The following ADAMTSL3 variants were observed in gnomAD, a reference collection of about 807,000 sequenced individuals.
ADAMTSL3 encodes ADAMTS like 3.
A neutral mutation model predicts 201.7 loss-of-function variants in ADAMTSL3; 128 were observed. The observed-to-expected ratio is 0.63, with a 90% CI of 0.55 to 0.73. The LOEUF is 0.73. ADAMTSL3 is among the 30% of genes least tolerant of loss of function. The pLI, the probability that ADAMTSL3 is intolerant of heterozygous loss-of-function variation, is 0.00. For missense variants in ADAMTSL3, 1,990 were observed against 2,119.6 expected, an observed-to-expected ratio of 0.94 and a Z score of 1.20; for synonymous variants, 738 against 748.4, an observed-to-expected ratio of 0.99 and a Z score of 0.23.
intron 3 of ADAMTSL3, among the ~76,000 whole-genome samples, chr15:83,718,852 GAA>G (rs1468789417): frequency 6.6e-6 from 1 of 152,032 alleles, no homozygotes; most frequent in African/African-American, 2.4e-5. Context: ...TCATTACATT[GAA>G]AACAAATAGA....
chr15:84,020,325 C>G (rs940821766), intron 25 of ADAMTSL3, among the ~76,000 whole-genome samples: 3 of 152,110 alleles, frequency 2.0e-5, no homozygotes, highest in African/African-American at 7.2e-5. Context: ...TCAGTTTCCA[C>G]CTCTGCAAAT....
intron 6 of ADAMTSL3, among the ~76,000 whole-genome samples, chr15:83,827,784 C>G (rs1233975981): frequency 2.6e-5 from 4 of 152,164 alleles, no homozygotes; most frequent in African/African-American, 9.6e-5. Flanking sequence ...AATCCTTTCC[C>G]CATTGCTTGT....
intron 23 of ADAMTSL3, among the ~76,000 whole-genome samples, chr15:84,011,147 T>C (rs892671601): frequency 1.3e-5 from 2 of 152,222 alleles, no homozygotes; most frequent in Non-Finnish European, 1.5e-5. Flanking sequence ...AATAGTTGTA[T>C]TGCATTTCAA....
intron 2 of ADAMTSL3, among the ~76,000 whole-genome samples, chr15:83,689,536 T>C (rs1186257166): frequency 1.3e-5 from 2 of 152,270 alleles, no homozygotes; most frequent in Non-Finnish European, 2.9e-5. Flanking sequence ...TTAAATTTCA[T>C]CTCTGTTGAC....
intron 3 of ADAMTSL3, among the ~76,000 whole-genome samples, chr15:83,733,129 T>C (rs932123522): frequency 3.9e-5 from 6 of 152,056 alleles, no homozygotes; most frequent in African/African-American, 1.4e-4. Flanking sequence ...AAATGGAAAA[T>C]GTAATGTAAA....
rs1389614725 is a variant in ADAMTSL3, at chr15:83,890,045, A to G, written c.1073-64A>G. The G allele has an allele frequency of 3.3e-6, 5 of 1,534,536 alleles. No individual in the cohort carries two copies. In the African/African-American group the frequency reaches 6.9e-5, roughly 21 times the overall value. ...GAAAAAAAAAAGTGTGTGGCAAGTG[A>G]TAACTCTGCCAAGTAAAAATGAAAC... is the stretch of plus-strand genomic sequence containing the variant. On this transcript the variant is annotated intron_variant, in intron 10 of 29. Coordinates refer to ENST00000286744, the MANE Select transcript of ADAMTSL3 (RefSeq NM_207517.3).
At position 83,939,642 on chromosome 15, in the gene ADAMTSL3, G is replaced by C. The variant is rs572704361; in HGVS notation, c.2118-2954G>C. On this transcript the variant is annotated intron_variant, in intron 17 of 29. Transcript: ENST00000286744. ...AGGACCAACTTTTTTTTTTTTTTTAGACAGAGTCTTGCTCTGTCACCCAGG... is the reference window on the plus strand; with the variant it reads ...AGGACCAACTTTTTTTTTTTTTTTACACAGAGTCTTGCTCTGTCACCCAGG... Among the ~76,000 whole-genome samples the C allele has an allele frequency of 3.4e-3, 452 of 134,720 alleles. 1 individual carries two copies. Among genetic ancestry groups the C allele is most frequent in the African/African-American group, 0.012 (421 of 36,108 alleles). 88.4% of individuals were successfully genotyped at this position (134,720 alleles called of 152,430 possible).
Position 84,014,561 on chromosome 15 carries a change from A to T in ADAMTSL3, c.3993A>T (p.Ile1331=). 1 of 1,614,006 alleles carries T rather than the reference A, an allele frequency of 6.2e-7. No individual in the cohort carries two copies. Among genetic ancestry groups the T allele is most frequent in the Non-Finnish European group, 8.5e-7 (1 of 1,179,932 alleles). The change falls in exon 24 of 30, where the codon ATA becomes ATT. Residue 1331 remains isoleucine (I), a synonymous_variant. Transcript: ENST00000286744. The part of the protein sequence containing the change: ...CPVKGVPQPN[I]TWLKRGGSLS... ...CCAAAGGTGTCCCTCAGCCTAATAT[A>T]ACTTGGTTGAAGAGAGGAGGATCTC... is the stretch of plus-strand genomic sequence containing the variant.
At position 83,798,296 on chromosome 15, in the gene ADAMTSL3, C is replaced by T. The variant is rs570083285; in HGVS notation, c.318-6354C>T. On this transcript the variant is annotated intron_variant, in intron 4 of 29. Coordinates refer to ENST00000286744, the MANE Select transcript of ADAMTSL3 (RefSeq NM_207517.3). ...TGAGAATCTCCAAATTTGCCTGCTCCCTGAGCTCATCTAATTTAAACAGGT... is the reference window on the plus strand; with the variant it reads ...TGAGAATCTCCAAATTTGCCTGCTCTCTGAGCTCATCTAATTTAAACAGGT... Among the ~76,000 whole-genome samples the T allele has an allele frequency of 1.1e-4, 17 of 152,242 alleles. No individual in the cohort carries two copies. The South Asian group carries it at 2.9e-3, about 26-fold the overall frequency.
chr15:83,882,453 A>G (rs890650847), intron 9 of ADAMTSL3, among the ~76,000 whole-genome samples: 2 of 152,320 alleles, frequency 1.3e-5, no homozygotes, highest in African/African-American at 4.8e-5. Flanking sequence ...AGATTCTCTC[A>G]TAAGCTTTAC....
At chr15:84,030,560 C>G (rs185497879) in intron 27 of ADAMTSL3, among the ~76,000 whole-genome samples, 2 of 152,128 alleles carry the variant, frequency 1.3e-5, no homozygotes, top group Non-Finnish European at 2.9e-5. Flanking sequence ...AACTAACTTA[C>G]TTTTCATGTT....
chr15:83,838,540 A>G (rs1282414620), intron 7 of ADAMTSL3, among the ~76,000 whole-genome samples: 1 of 152,220 alleles, frequency 6.6e-6, no homozygotes, highest in East Asian at 1.9e-4. Context: ...GGTAGAAAAT[A>G]TTGTCATGTA....
At chr15:84,017,242 C>T (rs1224950119) in intron 25 of ADAMTSL3, among the ~76,000 whole-genome samples, 1 of 152,138 alleles carries the variant, frequency 6.6e-6, no homozygotes, top group African/African-American at 2.4e-5. Flanking sequence ...CTCAGCCTCC[C>T]AAGTAGCTGG....
chr15:83,892,758 T>C lies in ADAMTSL3; in HGVS notation c.1337T>C (p.Val446Ala), dbSNP rs973096690. Residue 446 changes from valine (V) to alanine (A), a missense_variant, in exon 13 of 30, where the codon GTA (valine) becomes GCA (alanine). Coordinates refer to ENST00000286744, the MANE Select transcript of ADAMTSL3 (RefSeq NM_207517.3). The stretch of plus-strand genomic sequence containing the variant: ...ATTCAGAGACGGAGCTTTGTGTGTG[T>C]AGAGGAATCCATGCATGGAGAGATA... ...GGIQRRSFVC[V>A]EESMHGEILQ... 2 of 1,614,104 alleles carry C rather than the reference T, an allele frequency of 1.2e-6. No homozygotes were observed. The highest frequency in any genetic ancestry group is 1.7e-6 in the Non-Finnish European group (2 of 1,179,998).
At chr15:83,746,863 CT>C (rs201663500) in intron 3 of ADAMTSL3, among the ~76,000 whole-genome samples, 1,710 of 151,800 alleles carry the variant, frequency 0.011, 100 homozygotes, top group Admixed American at 0.098. Context: ...GACCTTGCCT[CT>C]TAAAAAAAAT....
intron 17 of ADAMTSL3, among the ~76,000 whole-genome samples, chr15:83,926,069 C>T (rs1053079404): frequency 3.3e-5 from 5 of 152,104 alleles, no homozygotes; most frequent in Non-Finnish European, 2.9e-5. Flanking sequence ...CTCAAGAGCA[C>T]GAATACTATG....
chr15:84,013,376 A>G (rs1031141237), intron 23 of ADAMTSL3, among the ~76,000 whole-genome samples: 6 of 152,314 alleles, frequency 3.9e-5, no homozygotes, highest in Middle Eastern at 3.4e-3. Flanking sequence ...GGTCGCATCT[A>G]TTTTTTAAGT....
intron 27 of ADAMTSL3, among the ~76,000 whole-genome samples, chr15:84,028,766 C>A (rs1177080733): frequency 1.3e-5 from 2 of 152,122 alleles, no homozygotes; most frequent in Non-Finnish European, 2.9e-5. Context: ...GAATTATAAT[C>A]CCCATAATCC....
At position 83,913,156 on chromosome 15, in the gene ADAMTSL3, G is replaced by A; in HGVS notation, c.1765G>A (p.Val589Met). Residue 589 changes from valine to methionine, a missense_variant, in exon 16 of 30, where the codon GTG becomes ATG. Transcript: ENST00000286744. ...TCGPGVQVRE[V>M]KCRVLLTFTQ... ...TGGGCCGGGTGTGCAGGTCCGTGAG[G>A]TGAAGTGCCGTGTGCTCCTCACATT... The A allele has an allele frequency of 2.5e-6, 4 of 1,614,168 alleles. No homozygotes were observed. Among genetic ancestry groups the A allele is most frequent in the South Asian group, 1.1e-5 (1 of 91,086 alleles).
Sources: allele counts gnomAD v4.1 joint callset (sites outside exome capture counted in the v4.1 genomes callset), GRCh38; gene constraint gnomAD v4.1.1; transcripts MANE v1.5; gene names NCBI Gene and HGNC (gene_info 2026-07-23, HGNC 2026-07-21).